The following DNAJB6 variants were observed in gnomAD, a reference collection of about 807,000 sequenced individuals.
The protein encoded by DNAJB6 is dnaJ homolog subfamily B member 6.
DNAJB6 carries 16 observed loss-of-function variants against 42.7 expected under a neutral mutation model. That is an observed-to-expected ratio of 0.37 (90% CI 0.25 to 0.57). The LOEUF is 0.57. Ranked by LOEUF, DNAJB6 falls within the 20% of genes least tolerant of loss-of-function variation. DNAJB6 has a pLI of 0.74. For synonymous variants in DNAJB6, 170 were observed against 163.5 expected, an observed-to-expected ratio of 1.04 and a Z score of -0.30; for missense variants, 347 against 416.8, an observed-to-expected ratio of 0.83 and a Z score of 1.46.
At chr7:157,356,731 C>G (rs182946749) in intron 1 of DNAJB6, among the ~76,000 whole-genome samples, 105 of 152,246 alleles carry the variant, frequency 6.9e-4, no homozygotes, top group African/African-American at 2.4e-3. Context: ...AAAATAGGAA[C>G]AAGTTTTTTT....
chr7:157,404,648 C>T (rs1795689373), intron 8 of DNAJB6, among the ~76,000 whole-genome samples: 3 of 151,814 alleles, frequency 2.0e-5, no homozygotes, highest in South Asian at 2.1e-4. Flanking sequence ...GTAACTGGGA[C>T]TACAGGCACA....
intron 5 of DNAJB6, 23 bp from the exon 6 acceptor site, chr7:157,382,223 T>C (rs370712357): frequency 6.4e-7 from 1 of 1,562,302 alleles, no homozygotes; most frequent in African/African-American, 1.4e-5. Context: ...GACTTCATAG[T>C]GTGTGTTTAT....
rs142501887 is a variant in DNAJB6, at chr7:157,345,252, C to T, written c.-27+8108C>T. The stretch of plus-strand genomic sequence containing the variant: ...CAGGTGATCCACCCGCCTCAGCCTC[C>T]CAAAGTGCTGGGATTACAGGCGTGA... On this transcript the variant is annotated intron_variant, in intron 1 of 9. Coordinates refer to ENST00000262177, the MANE Select transcript of DNAJB6 (RefSeq NM_058246.4). Among the ~76,000 whole-genome samples, 645 of 152,282 alleles carry T rather than the reference C, an allele frequency of 4.2e-3. 5 individuals carry two copies. The highest frequency in any genetic ancestry group is 0.015 in the African/African-American group (615 of 41,560).
At chr7:157,397,599 C>T (rs1801653612) in intron 8 of DNAJB6, among the ~76,000 whole-genome samples, 1 of 152,238 alleles carries the variant, frequency 6.6e-6, no homozygotes, top group Admixed American at 6.5e-5. Flanking sequence ...CCCATGTGTG[C>T]TCCAGTGCCA....
intron 5 of DNAJB6, among the ~76,000 whole-genome samples, chr7:157,374,697 G>A (rs1800385293): frequency 6.6e-6 from 1 of 152,128 alleles, no homozygotes; most frequent in Non-Finnish European, 1.5e-5. Context: ...CCTTAAATAG[G>A]GAGAGGAAAT....
chr7:157,340,459 T>C lies in DNAJB6; in HGVS notation c.-27+3315T>C, dbSNP rs563652541. Reference sequence around the variant, plus strand: ...AGAGCAAAGTTGGTGAAAACAAGAATATGTTAGAAACGATGATGTAGGAAT... The same window carrying C: ...AGAGCAAAGTTGGTGAAAACAAGAACATGTTAGAAACGATGATGTAGGAAT... On this transcript the variant is annotated intron_variant, in intron 1 of 9. Coordinates refer to ENST00000262177, the MANE Select transcript of DNAJB6 (RefSeq NM_058246.4). Among the ~76,000 whole-genome samples the C allele has an allele frequency of 7.9e-5, 12 of 151,956 alleles. No individual in the cohort carries two copies. The East Asian group carries it at 1.2e-3, about 15-fold the overall frequency.
intron 1 of DNAJB6, among the ~76,000 whole-genome samples, chr7:157,358,003 T>C (rs1417705879): frequency 6.6e-6 from 1 of 152,218 alleles, no homozygotes; most frequent in East Asian, 1.9e-4. Flanking sequence ...TCAAAGGTCT[T>C]TCTCTCTTGG....
At chr7:157,340,964 C>CTGTGTGTGTGTG (rs35976329) in intron 1 of DNAJB6, among the ~76,000 whole-genome samples, 2 of 146,088 alleles carry the variant, frequency 1.4e-5, no homozygotes, top group African/African-American at 2.6e-5. Context: ...CCGCACCTGG[C>CTGTGTGTGTGTG]TGTGTGTGTG....
intron 1 of DNAJB6, among the ~76,000 whole-genome samples, chr7:157,344,263 C>T (rs959049452): frequency 3.9e-5 from 6 of 151,980 alleles, no homozygotes; most frequent in African/African-American, 1.2e-4. Context: ...ATGGCGTGAA[C>T]GCGGGAGGCG....
At chr7:157,384,113 T>C (rs1800929747) in intron 6 of DNAJB6, among the ~76,000 whole-genome samples, 2 of 152,156 alleles carry the variant, frequency 1.3e-5, no homozygotes, top group African/African-American at 4.8e-5. Context: ...GGACAAAAGC[T>C]CTAACCAGTA....
chr7:157,410,028 C>A, intron 9 of DNAJB6, 27 bp downstream of exon 9: 1 of 1,508,594 alleles, frequency 6.6e-7, no homozygotes, highest in Non-Finnish European at 8.8e-7. Context: ...AGCCGTGGAG[C>A]AGGCGCAGAG....
chr7:157,362,319 A>C (rs1215995365), intron 2 of DNAJB6, among the ~76,000 whole-genome samples: 2 of 152,134 alleles, frequency 1.3e-5, no homozygotes, highest in African/African-American at 4.8e-5. Context: ...AGAACATGGA[A>C]GGATATGAAT....
chr7:157,404,699 C>T (rs1443792543), intron 8 of DNAJB6, among the ~76,000 whole-genome samples: 2 of 151,472 alleles, frequency 1.3e-5, no homozygotes, highest in Admixed American at 1.3e-4. Flanking sequence ...TTAGTAGAGA[C>T]GGGGTCATGT....
At chr7:157,376,340 GC>G (rs1261309917) in intron 5 of DNAJB6, among the ~76,000 whole-genome samples, 1 of 151,750 alleles carries the variant, frequency 6.6e-6, no homozygotes, top group Non-Finnish European at 1.5e-5. Flanking sequence ...AATGTTATGG[GC>G]CCCTTAATGC....
At chr7:157,367,144 T>G (rs1220151507) in intron 4 of DNAJB6, among the ~76,000 whole-genome samples, 1 of 152,172 alleles carries the variant, frequency 6.6e-6, no homozygotes, top group African/African-American at 2.4e-5. Flanking sequence ...TTAGAGATGG[T>G]GAAAAGTAGT....
intron 8 of DNAJB6, among the ~76,000 whole-genome samples, chr7:157,388,758 G>A (rs1801204177): frequency 6.6e-6 from 1 of 151,964 alleles, no homozygotes. Flanking sequence ...TTTAATCCCT[G>A]TTTGGCATCC....
intron 1 of DNAJB6, among the ~76,000 whole-genome samples, chr7:157,340,887 G>A (rs1485770934): frequency 6.6e-6 from 1 of 152,040 alleles, no homozygotes; most frequent in Non-Finnish European, 1.5e-5. Context: ...GGCTGGTCTC[G>A]AACACCTGAC....
Position 157,367,860 on chromosome 7 carries a change from CA to C in DNAJB6, c.346+389del, listed in dbSNP as rs781409229. ...GGCAACAAGAGTGAAACTCCTGTCT[CA>C]AAAAAAAAAAAGTTAACATTGTATT... On this transcript the variant is annotated intron_variant, in intron 5 of 9. Coordinates refer to ENST00000262177, the MANE Select transcript of DNAJB6 (RefSeq NM_058246.4). Among the ~76,000 whole-genome samples, 967 of 141,794 alleles carry C rather than the reference CA, an allele frequency of 6.8e-3. 7 individuals are homozygous for C. Among genetic ancestry groups the C allele is most frequent in the African/African-American group, 0.023 (875 of 38,620 alleles). 93.0% of individuals were successfully genotyped at this position (141,794 alleles called of 152,430 possible).
At chr7:157,370,249 T>G (rs1368340167) in intron 5 of DNAJB6, among the ~76,000 whole-genome samples, 1 of 151,344 alleles carries the variant, frequency 6.6e-6, no homozygotes, top group African/African-American at 2.4e-5. Flanking sequence ...GGCCCTTTCT[T>G]AACATTATTA....
Sources: allele counts gnomAD v4.1 joint callset (sites outside exome capture counted in the v4.1 genomes callset), GRCh38; gene constraint gnomAD v4.1.1; transcripts MANE v1.5; gene names NCBI Gene and HGNC (gene_info 2026-07-23, HGNC 2026-07-21).